Variants in AGBL4 observed in about 807,000 individuals in gnomAD.
The protein encoded by AGBL4 is AGBL carboxypeptidase 4.
A neutral mutation model predicts 66.4 loss-of-function variants in AGBL4; 58 were observed. The observed-to-expected ratio is 0.87, with a 90% CI of 0.71 to 1.09. The LOEUF is 1.09. Ranked by LOEUF, AGBL4 falls within the 50% of genes least tolerant of loss-of-function variation. The pLI, the probability that AGBL4 is intolerant of heterozygous loss-of-function variation, is 0.00. For synonymous variants in AGBL4, 234 were observed against 222.9 expected (o/e 1.05, Z -0.44); for missense variants, 579 against 631.0 (o/e 0.92, Z 0.88).
intron 10 of AGBL4, among the ~76,000 whole-genome samples, chr1:48,590,542 C>T (rs183087685): frequency 4.6e-5 from 7 of 152,100 alleles, no homozygotes; most frequent in East Asian, 1.9e-4. Context: ...AGTGACAGAG[C>T]GAGATCCTGT....
chr1:48,926,572 A>G lies in AGBL4; in HGVS notation c.595-59342T>C, dbSNP rs184069860. Among the ~76,000 whole-genome samples the G allele has an allele frequency of 8.5e-5, 13 of 152,086 alleles. No homozygotes were observed. The South Asian group carries it at 1.5e-3, about 17-fold the overall frequency. On this transcript the variant is annotated intron_variant, in intron 5 of 13. Coordinates refer to ENST00000371839, the MANE Select transcript of AGBL4 (RefSeq NM_032785.4). Reference sequence around the variant, plus strand: ...CCAAAGTGCTGGGATTACAGGTATGAGGCGTCACACCGGCCAACCATGGAT... The same window carrying G: ...CCAAAGTGCTGGGATTACAGGTATGGGGCGTCACACCGGCCAACCATGGAT...
chr1:49,055,618 T>G lies in AGBL4; in HGVS notation c.378-9818A>C, dbSNP rs148031622. Among the ~76,000 whole-genome samples the G allele has an allele frequency of 3.8e-3, 581 of 152,172 alleles. 2 individuals carry two copies. Among genetic ancestry groups the G allele is most frequent in the Non-Finnish European group, 5.2e-3 (350 of 67,938 alleles). On this transcript the variant is annotated intron_variant, in intron 4 of 13. Coordinates refer to ENST00000371839, the MANE Select transcript of AGBL4 (RefSeq NM_032785.4). Reference sequence around the variant, plus strand: ...TCATGAGAACATATTAGAAAAAATATTCTTCATAAAAATACTAATGACATA... The same window carrying G: ...TCATGAGAACATATTAGAAAAAATAGTCTTCATAAAAATACTAATGACATA...
chr1:48,777,498 TTTTG>T (rs961140731), intron 6 of AGBL4, among the ~76,000 whole-genome samples: 17 of 152,050 alleles, frequency 1.1e-4, no homozygotes, highest in East Asian at 3.9e-4. Context: ...CTTTCTTTCT[TTTTG>T]TTTGTTTGTT....
At chr1:49,555,058 G>T (rs774365790) in intron 3 of AGBL4, among the ~76,000 whole-genome samples, 9 of 152,150 alleles carry the variant, frequency 5.9e-5, no homozygotes, top group Non-Finnish European at 1.2e-4. Context: ...AACCGAGTGG[G>T]TTGCCACTGC....
At chr1:49,642,876 T>C (rs1379777845) in intron 3 of AGBL4, among the ~76,000 whole-genome samples, 1 of 151,898 alleles carries the variant, frequency 6.6e-6, no homozygotes, top group African/African-American at 2.4e-5. Flanking sequence ...AAAATACATA[T>C]ATAAATGCAA....
chr1:48,865,427 G>T (rs991408896), intron 6 of AGBL4, among the ~76,000 whole-genome samples: 2 of 152,124 alleles, frequency 1.3e-5, no homozygotes, highest in African/African-American at 4.8e-5. Flanking sequence ...TATCACACAA[G>T]TATAGCCCAT....
chr1:49,260,328 A>G (rs1162287893), intron 3 of AGBL4, among the ~76,000 whole-genome samples: 39 of 146,406 alleles, frequency 2.7e-4, no homozygotes, highest in African/African-American at 8.8e-4. Context: ...TGAAGGAAAT[A>G]GAGACACAAA....
intron 6 of AGBL4, among the ~76,000 whole-genome samples, chr1:48,763,568 C>A (rs1192461453): frequency 6.6e-6 from 1 of 151,894 alleles, no homozygotes; most frequent in Non-Finnish European, 1.5e-5. Flanking sequence ...TGTGTTGGGG[C>A]AAAGCTCCTG....
intron 2 of AGBL4, among the ~76,000 whole-genome samples, chr1:49,737,110 T>A (rs756755864): frequency 6.6e-6 from 1 of 152,170 alleles, no homozygotes; most frequent in Non-Finnish European, 1.5e-5. Context: ...CCAGCCACTA[T>A]GGAAACCAGT....
chr1:48,890,591 T>C (rs1172199932), intron 5 of AGBL4, among the ~76,000 whole-genome samples: 1 of 152,216 alleles, frequency 6.6e-6, no homozygotes, highest in Non-Finnish European at 1.5e-5. Flanking sequence ...GTTTTTGTGA[T>C]GTCCAATGTC....
At chr1:48,852,496 G>A (rs1273276744) in intron 6 of AGBL4, among the ~76,000 whole-genome samples, 2 of 152,166 alleles carry the variant, frequency 1.3e-5, no homozygotes, top group African/African-American at 4.8e-5. Context: ...CCTGAATTCA[G>A]TAGCAGCCCC....
At chr1:48,610,537 C>T (rs1363330835) in intron 9 of AGBL4, among the ~76,000 whole-genome samples, 1 of 152,156 alleles carries the variant, frequency 6.6e-6, no homozygotes, top group Admixed American at 6.5e-5. Context: ...TGTATAAATT[C>T]TGAAGATAAA....
intron 4 of AGBL4, among the ~76,000 whole-genome samples, chr1:49,220,450 G>C (rs915128571): frequency 6.6e-6 from 1 of 152,124 alleles, no homozygotes; most frequent in Admixed American, 6.6e-5. Flanking sequence ...TTGGTAAAAG[G>C]AGAATATCTG....
intron 3 of AGBL4, among the ~76,000 whole-genome samples, chr1:49,639,734 A>T (rs191814020): frequency 6.6e-6 from 1 of 152,308 alleles, no homozygotes; most frequent in Non-Finnish European, 1.5e-5. Flanking sequence ...AAATATGTAA[A>T]ACACATGGTA....
At chr1:48,808,006 A>G (rs1044051847) in intron 6 of AGBL4, among the ~76,000 whole-genome samples, 1 of 152,178 alleles carries the variant, frequency 6.6e-6, no homozygotes, top group Non-Finnish European at 1.5e-5. Flanking sequence ...AGGAAAATTC[A>G]TTCATTAATA....
intron 5 of AGBL4, among the ~76,000 whole-genome samples, chr1:48,927,144 A>G (rs1654647913): frequency 6.6e-6 from 1 of 152,168 alleles, no homozygotes; most frequent in African/African-American, 2.4e-5. Context: ...AGGAACAGGG[A>G]AGCCTGGTGT....
intron 2 of AGBL4, among the ~76,000 whole-genome samples, chr1:49,763,324 T>A (rs910858028): frequency 6.6e-6 from 1 of 152,238 alleles, no homozygotes; most frequent in African/African-American, 2.4e-5. Context: ...CCCAGCTTTG[T>A]TCTCTCTGCT....
At position 49,935,675 on chromosome 1, in the gene AGBL4, T is replaced by A. The variant is rs550516884; in HGVS notation, c.35-84157A>T. Among the ~76,000 whole-genome samples, 5 of 152,234 alleles carry A rather than the reference T, an allele frequency of 3.3e-5. No homozygotes were observed. The South Asian group carries it at 8.3e-4, about 25-fold the overall frequency. On this transcript the variant is annotated intron_variant, in intron 1 of 13. Transcript: ENST00000371839. ...ACTATCAGACAGCAGCATTCGCGGTTCATGAAAATCCGCTGTTCTACGGCC... is the reference window on the plus strand; with the variant it reads ...ACTATCAGACAGCAGCATTCGCGGTACATGAAAATCCGCTGTTCTACGGCC...
intron 2 of AGBL4, among the ~76,000 whole-genome samples, chr1:49,719,069 C>A (rs1412541080): frequency 1.3e-5 from 2 of 152,046 alleles, no homozygotes; most frequent in African/African-American, 4.8e-5. Flanking sequence ...TGGCCCTCTG[C>A]AGCCTCTTTC....
Sources: allele counts gnomAD v4.1 joint callset (sites outside exome capture counted in the v4.1 genomes callset), GRCh38; gene constraint gnomAD v4.1.1; transcripts MANE v1.5; gene names NCBI Gene and HGNC (gene_info 2026-07-23, HGNC 2026-07-21).